The following RNF212B variants were observed in gnomAD, a reference collection of about 807,000 sequenced individuals.
The protein encoded by RNF212B is E3 ubiquitin-protein ligase RNF212B.
A neutral mutation model predicts 55.5 loss-of-function variants in RNF212B; 52 were observed. That is an observed-to-expected ratio of 0.94 (90% CI 0.75 to 1.18). The LOEUF is 1.18. Ranked by LOEUF, RNF212B falls within the 50% of genes most tolerant of loss-of-function variation. The probability of loss-of-function intolerance (pLI) is 0.00; values close to 1 mark genes in which losing one functional copy is unlikely to be tolerated. For missense variants in RNF212B, 289 were observed against 350.4 expected (o/e 0.82, Z 1.40); for synonymous variants, 99 against 121.4 (o/e 0.82, Z 1.21).
intron 1 of RNF212B, among the ~76,000 whole-genome samples, chr14:23,238,769 A>C (rs919631194): frequency 4.9e-5 from 7 of 142,752 alleles, no homozygotes; most frequent in African/African-American, 1.7e-4. Context: ...AATAATAATA[A>C]TAATAATAAT....
At chr14:23,205,885 G>T (rs1879786063) in intron 2 of RNF212B, among the ~76,000 whole-genome samples, 1 of 152,158 alleles carries the variant, frequency 6.6e-6, no homozygotes, top group Admixed American at 6.5e-5. Context: ...TTATAGTTTT[G>T]TAACTTCTAT....
chr14:23,261,980 A>AAAG, intron 7 of RNF212B, among the ~76,000 whole-genome samples: 1 of 126,680 alleles, frequency 7.9e-6, no homozygotes, highest in Non-Finnish European at 1.7e-5. Context: ...AACAAACAAA[A>AAAG]AAACAGAAAA....
chr14:23,198,914 C>A (rs1314639314), intron 2 of RNF212B, among the ~76,000 whole-genome samples: 3 of 151,962 alleles, frequency 2.0e-5, no homozygotes, highest in Non-Finnish European at 4.4e-5. Flanking sequence ...AGTTGGTTAG[C>A]TAGCTTGGTA....
At chr14:23,195,583 C>T (rs1373620526) in intron 2 of RNF212B, among the ~76,000 whole-genome samples, 2 of 152,156 alleles carry the variant, frequency 1.3e-5, no homozygotes, top group Non-Finnish European at 2.9e-5. Flanking sequence ...TTCATGCACT[C>T]ATTTCGTGTG....
At chr14:23,240,300 G>A in intron 1 of RNF212B, 45 bp from the exon 2 acceptor site, 1 of 1,298,496 alleles carries the variant, frequency 7.7e-7, no homozygotes, top group Non-Finnish European at 1.1e-6. Context: ...CTATAATTAT[G>A]TTATTCTCTA....
intron 2 of RNF212B, among the ~76,000 whole-genome samples, chr14:23,220,245 A>C (rs1278199583): frequency 6.6e-6 from 1 of 151,256 alleles, no homozygotes; most frequent in East Asian, 1.9e-4. Flanking sequence ...AAAACCATAC[A>C]ACAAGGCCAG....
At chr14:23,217,940 C>T (rs1217434372) in intron 2 of RNF212B, among the ~76,000 whole-genome samples, 7 of 151,918 alleles carry the variant, frequency 4.6e-5, no homozygotes, top group African/African-American at 7.3e-5. Context: ...ACTTTTGAGG[C>T]AGAGAATTCA....
At chr14:23,214,921 T>A (rs1042691875) in intron 2 of RNF212B, among the ~76,000 whole-genome samples, 1 of 152,154 alleles carries the variant, frequency 6.6e-6, no homozygotes, top group Non-Finnish European at 1.5e-5. Context: ...TGCCAAGACA[T>A]ATCATAATTA....
At position 23,240,333 on chromosome 14, in the gene RNF212B, T is replaced by C. The variant is rs1344145611; in HGVS notation, c.-1-12T>C. ...CTAGGTTATTCTTACTCTTTCTCTT[T>C]ATCTGCTCCAGAATGGATTGGTTTC... is the stretch of plus-strand genomic sequence containing the variant. On this transcript the variant is annotated splice_polypyrimidine_tract_variant and intron_variant, in intron 1 of 14. Coordinates refer to ENST00000430154, the MANE Select transcript of RNF212B (RefSeq NM_001282322.3). 6.6e-6 allele frequency: 10 copies of C among 1,520,920 alleles called. No homozygotes were observed. Among genetic ancestry groups the C allele is most frequent in the Admixed American group, 2.0e-5 (1 of 50,706 alleles). 94.2% of individuals were successfully genotyped at this position (1,520,920 alleles called of 1,614,324 possible).
intron 2 of RNF212B, among the ~76,000 whole-genome samples, chr14:23,211,147 G>C (rs1402543344): frequency 6.6e-6 from 1 of 151,700 alleles, no homozygotes; most frequent in Non-Finnish European, 1.5e-5. Context: ...GAATCTGGGA[G>C]GTGAAAGTTG....
intron 2 of RNF212B, among the ~76,000 whole-genome samples, chr14:23,226,296 CAAAA>C (rs71119005): frequency 9.2e-5 from 7 of 75,920 alleles, no homozygotes; most frequent in African/African-American, 2.2e-4. Context: ...GAAACCGTCT[CAAAA>C]AAAAAAAAAA....
At chr14:23,267,585 C>T (rs1477436822) in intron 11 of RNF212B, among the ~76,000 whole-genome samples, 2 of 151,960 alleles carry the variant, frequency 1.3e-5, no homozygotes, top group Non-Finnish European at 2.9e-5. Flanking sequence ...TGTGCCACCA[C>T]GCCTAGCTAA....
At chr14:23,250,380 G>A (rs1215113410) in intron 4 of RNF212B, among the ~76,000 whole-genome samples, 1 of 151,804 alleles carries the variant, frequency 6.6e-6, no homozygotes, top group African/African-American at 2.4e-5. Flanking sequence ...CTGCTTGGGA[G>A]GCTGAGGCAT....
intron 4 of RNF212B, among the ~76,000 whole-genome samples, chr14:23,245,724 A>G (rs531897498): frequency 2.0e-5 from 3 of 152,302 alleles, no homozygotes; most frequent in Admixed American, 6.5e-5. Flanking sequence ...TCATATTTCA[A>G]ATAGTAGCCC....
At chr14:23,208,968 C>CA (rs1880186255) in intron 2 of RNF212B, among the ~76,000 whole-genome samples, 1 of 151,238 alleles carries the variant, frequency 6.6e-6, no homozygotes, top group African/African-American at 2.4e-5. Flanking sequence ...TCGTGTTAGC[C>CA]GGGATGGTCT....
In RNF212B at chr14:23,199,116, A is replaced by C. The variant is rs761438365; in HGVS notation, c.-2+5715A>C. Among the ~76,000 whole-genome samples, 7 of 152,206 alleles carry C rather than the reference A, an allele frequency of 4.6e-5. No individual in the cohort carries two copies. In the South Asian group the frequency reaches 1.5e-3, roughly 32 times the overall value. On this transcript the variant is annotated intron_variant, in intron 2 of 15. Coordinates refer to the RNF212B transcript ENST00000399910. ...GAAAATTTGAGACAGGTCTCAGTTA[A>C]TTGTTTATTTTGCCAAGGTTGGGGA...
chr14:23,237,802 G>C (rs1883223519), upstream of RNF212B, among the ~76,000 whole-genome samples: 1 of 152,146 alleles, frequency 6.6e-6, no homozygotes, highest in Non-Finnish European at 1.5e-5. Flanking sequence ...CCGCCACCGC[G>C]AGCCGCTCCT....
chr14:23,265,923 C>T (rs1885658619), intron 11 of RNF212B, among the ~76,000 whole-genome samples: 1 of 151,996 alleles, frequency 6.6e-6, no homozygotes, highest in Non-Finnish European at 1.5e-5. Context: ...TTACTGCATC[C>T]TATAACATTT....
At chr14:23,249,724 A>T (rs967685445) in intron 4 of RNF212B, among the ~76,000 whole-genome samples, 17 of 152,130 alleles carry the variant, frequency 1.1e-4, no homozygotes, top group Non-Finnish European at 2.1e-4. Flanking sequence ...GATCATACAA[A>T]CTGTGCAACC....
Sources: allele counts gnomAD v4.1 joint callset (sites outside exome capture counted in the v4.1 genomes callset), GRCh38; gene constraint gnomAD v4.1.1; transcripts MANE v1.5; gene names NCBI Gene and HGNC (gene_info 2026-07-23, HGNC 2026-07-21).